Variants in ZNF599 observed in about 807,000 individuals in gnomAD.
The protein encoded by ZNF599 is zinc finger protein 599.
ZNF599 carries 10 observed loss-of-function variants against 11.7 expected under a neutral mutation model. That is an observed-to-expected ratio of 0.86 (90% CI 0.53 to 1.45). The LOEUF (loss-of-function observed/expected upper bound fraction) is 1.45, where lower values mean the gene tolerates loss of function less well. Ranked by LOEUF, ZNF599 falls within the 40% of genes most tolerant of loss-of-function variation. The pLI is 0.00. For missense variants in ZNF599, 688 were observed against 713.6 expected, an observed-to-expected ratio of 0.96 and a Z score of 0.41; for synonymous variants, 232 against 253.2, an observed-to-expected ratio of 0.92 and a Z score of 0.79.
At chr19:34,794,399 G>A in the ZNF599 span, among the ~76,000 whole-genome samples, 2 of 152,078 alleles carry the variant, frequency 1.3e-5, no homozygotes, top group African/African-American at 4.8e-5. Context: ...AATGAGCAAC[G>A]AGGGCAACAT....
chr19:34,780,524 TAAGG>T, the ZNF599 span, among the ~76,000 whole-genome samples: 19 of 142,828 alleles, frequency 1.3e-4, no homozygotes, highest in South Asian at 3.5e-3. Flanking sequence ...GAGAAGAAAT[TAAGG>T]AAGGAAGGAA....
the ZNF599 span, among the ~76,000 whole-genome samples, chr19:34,782,981 G>A: frequency 1.3e-5 from 2 of 152,144 alleles, no homozygotes; most frequent in Non-Finnish European, 2.9e-5. Flanking sequence ...TCCCAATTCA[G>A]AGGAGATATC....
chr19:34,772,076 A>G (rs889159897), intron 1 of ZNF599, among the ~76,000 whole-genome samples: 1 of 152,206 alleles, frequency 6.6e-6, no homozygotes, highest in African/African-American at 2.4e-5. Context: ...AGGAGTAAAC[A>G]GTGTGACATG....
upstream of ZNF599, among the ~76,000 whole-genome samples, chr19:34,777,447 T>A (rs2069225494): frequency 1.0e-5 from 1 of 97,296 alleles, no homozygotes; most frequent in African/African-American, 4.3e-5. Flanking sequence ...TGATATATAT[T>A]AATTAATATA....
chr19:34,789,770 C>T, the ZNF599 span, among the ~76,000 whole-genome samples: 8 of 152,102 alleles, frequency 5.3e-5, no homozygotes, highest in Admixed American at 2.0e-4. Flanking sequence ...AAATGTATAG[C>T]TTGAAAATAT....
At chr19:34,779,461 G>A in the ZNF599 span, 1 of 456,514 alleles carries the variant, frequency 2.2e-6, no homozygotes, top group Non-Finnish European at 4.4e-6. Context: ...ACTCTCTGAT[G>A]TTTACTGAGG....
chr19:34,772,850 G>A lies in ZNF599; in HGVS notation c.-9C>T, dbSNP rs1311535158. 2 of 1,497,232 alleles carry A rather than the reference G, an allele frequency of 1.3e-6. No homozygotes were observed. Among genetic ancestry groups the A allele is most frequent in the Non-Finnish European group, 1.8e-6 (2 of 1,127,916 alleles). The allele number at this position is 1,497,232 out of a possible 1,614,324, so 92.7% of individuals were successfully genotyped here. A position where few individuals can be genotyped will look rare whatever the true frequency, so the allele number is the denominator to read the frequency against. Reference sequence around the variant, plus strand: ...AACGCCGGCGCCGCCATGGGCCCAGGGGGCTGGGTGAGGCCGTGAGAGTCG... The same window carrying A: ...AACGCCGGCGCCGCCATGGGCCCAGAGGGCTGGGTGAGGCCGTGAGAGTCG... On this transcript the variant is annotated 5_prime_UTR_variant, in exon 1 of 4. Transcript: ENST00000329285.
the ZNF599 span, among the ~76,000 whole-genome samples, chr19:34,780,647 G>A: frequency 7.5e-6 from 1 of 132,758 alleles, no homozygotes; most frequent in Non-Finnish European, 1.6e-5. Flanking sequence ...AGGAAAGAAA[G>A]AGAGAGGGGG....
the ZNF599 span, among the ~76,000 whole-genome samples, chr19:34,788,083 T>A: frequency 2.0e-5 from 3 of 152,238 alleles, no homozygotes; most frequent in African/African-American, 7.2e-5. Flanking sequence ...GTATTGTAAG[T>A]AATCTAGAGA....
At position 34,771,029 on chromosome 19, in the gene ZNF599, C is replaced by A. The variant is rs530390006; in HGVS notation, c.19-1474G>T. Among the ~76,000 whole-genome samples, 6 of 152,280 alleles carry A rather than the reference C, an allele frequency of 3.9e-5. No individual in the cohort carries two copies. In the South Asian group the frequency reaches 1.2e-3, roughly 32 times the overall value. ...GCACGTCGGCTCATGCCAGTAAGTA[C>A]TTTGAGAGGCCAAAGTGGGAAGACT... is the stretch of plus-strand genomic sequence containing the variant. On this transcript the variant is annotated intron_variant, in intron 1 of 3. Coordinates refer to ENST00000329285, the MANE Select transcript of ZNF599 (RefSeq NM_001007248.3).
chr19:34,785,932 A>T, the ZNF599 span, among the ~76,000 whole-genome samples: 3 of 152,170 alleles, frequency 2.0e-5, no homozygotes, highest in Non-Finnish European at 4.4e-5. Context: ...GGGTGCTCCA[A>T]GCCTCAGACT....
At chr19:34,797,952 A>G in the ZNF599 span, among the ~76,000 whole-genome samples, 1 of 152,172 alleles carries the variant, frequency 6.6e-6, no homozygotes, top group Admixed American at 6.5e-5. Flanking sequence ...GCCCCCATGC[A>G]TCCATTTATA....
rs187542345 is a variant in ZNF599, at chr19:34,772,614, G to A, written c.18+210C>T. The A allele has an allele frequency of 3.3e-4, 447 of 1,363,218 alleles. 2 individuals carry two copies. The African/African-American group carries it at 6.0e-3, about 18-fold the overall frequency. The allele number at this position is 1,363,218 out of a possible 1,614,324, so 84.4% of individuals were successfully genotyped here. ...AGCTCCAGGTTAGAGCCAGAGACAG[G>A]GACCTCTCCTTACAACTCCTGTCCT... On this transcript the variant is annotated intron_variant, in intron 1 of 3. Transcript: ENST00000329285.
chr19:34,804,027 C>T, the ZNF599 span, among the ~76,000 whole-genome samples: 2 of 152,212 alleles, frequency 1.3e-5, no homozygotes, highest in Non-Finnish European at 2.9e-5. Flanking sequence ...TTCCCCAAGA[C>T]CTCCAATGGC....
the ZNF599 span, among the ~76,000 whole-genome samples, chr19:34,791,614 T>C: frequency 6.6e-6 from 1 of 152,192 alleles, no homozygotes; most frequent in East Asian, 1.9e-4. Context: ...GACATGGAAC[T>C]TAGAGTTTGA....
At position 34,759,941 on chromosome 19, in the gene ZNF599, T is replaced by A; in HGVS notation, c.860A>T (p.Glu287Val). 6.2e-7 allele frequency: 1 copy of A among 1,614,222 alleles called. No homozygotes were observed. The highest frequency in any genetic ancestry group is 8.5e-7 in the Non-Finnish European group (1 of 1,180,032). The part of the protein sequence containing the change: ...HTGDKPYECK[E>V]CGKAFTHRSS... ...GCGGTGGGTGAATGCTTTGCCACAT[T>A]CTTTGCACTCATAGGGCTTATCTCC... is the stretch of plus-strand genomic sequence containing the variant. Residue 287 changes from glutamate (E) to valine (V), a missense_variant, in exon 4 of 4, where the codon GAA (glutamate) becomes GTA (valine). Physicochemically the swap from Glu to Val is moderately radical, Grantham distance 121. Coordinates refer to ENST00000329285, the MANE Select transcript of ZNF599 (RefSeq NM_001007248.3).
At chr19:34,794,808 T>C in the ZNF599 span, among the ~76,000 whole-genome samples, 100 of 152,238 alleles carry the variant, frequency 6.6e-4, no homozygotes, top group Non-Finnish European at 1.2e-3. Context: ...TGACCTTAAG[T>C]GAGCCACTGG....
intron 3 of ZNF599, 61 bp from the exon 4 acceptor site, chr19:34,760,620 TCAC>T (rs2069106947): frequency 3.5e-6 from 5 of 1,410,770 alleles, no homozygotes; most frequent in Non-Finnish European, 3.8e-6. Context: ...ACAAACAAAA[TCAC>T]CACTTTAGCA....
chr19:34,793,530 C>T, the ZNF599 span, among the ~76,000 whole-genome samples: 1 of 152,192 alleles, frequency 6.6e-6, no homozygotes. Context: ...TTTCACTTTT[C>T]ACAAATCAGT....
Sources: allele counts gnomAD v4.1 joint callset (sites outside exome capture counted in the v4.1 genomes callset), GRCh38; gene constraint gnomAD v4.1.1; transcripts MANE v1.5; gene names NCBI Gene and HGNC (gene_info 2026-07-23, HGNC 2026-07-21).